KCNC2: variants seen among roughly 807,000 people sequenced by gnomAD.
The protein encoded by KCNC2 is voltage-gated potassium channel KCNC2.
A neutral mutation model predicts 44.5 loss-of-function variants in KCNC2; 21 were observed. The observed-to-expected ratio is 0.47, with a 90% CI of 0.33 to 0.68. The LOEUF is 0.68. KCNC2 is among the 30% of genes least tolerant of loss of function. The probability of loss-of-function intolerance (pLI) is 0.01; values close to 1 mark genes in which losing one functional copy is unlikely to be tolerated. For missense variants in KCNC2, 589 were observed against 826.2 expected (o/e 0.71, Z 3.52); for synonymous variants, 391 against 339.1 (o/e 1.15, Z -1.68).
chr12:75,079,048 A>C (rs996901324), intron 2 of KCNC2, among the ~76,000 whole-genome samples: 1 of 152,156 alleles, frequency 6.6e-6, no homozygotes, highest in Non-Finnish European at 1.5e-5. Context: ...TATTATGAAA[A>C]GTTTAAAACA....
intron 2 of KCNC2, among the ~76,000 whole-genome samples, chr12:75,067,609 C>T (rs533546413): frequency 3.8e-4 from 58 of 152,208 alleles, no homozygotes; most frequent in Non-Finnish European, 6.2e-4. Context: ...ACATGGCTTG[C>T]TGTGTTTGAA....
chr12:75,069,764 G>A (rs7301135), intron 2 of KCNC2, among the ~76,000 whole-genome samples: 2,185 of 152,266 alleles, frequency 0.014, 24 homozygotes, highest in Middle Eastern at 0.044. Flanking sequence ...AAACTTTGGG[G>A]ATAAGTGAAG....
At chr12:75,182,975 G>A (rs1383952767) in intron 2 of KCNC2, among the ~76,000 whole-genome samples, 1 of 152,216 alleles carries the variant, frequency 6.6e-6, no homozygotes, top group Non-Finnish European at 1.5e-5. Context: ...ATGAAGCACA[G>A]TGAGCCTAAC....
chr12:75,161,638 G>C (rs1253677087), intron 2 of KCNC2, among the ~76,000 whole-genome samples: 1 of 151,742 alleles, frequency 6.6e-6, no homozygotes, highest in Non-Finnish European at 1.5e-5. Context: ...TTCTGGCCCA[G>C]TAAGTTTTAC....
intron 2 of KCNC2, among the ~76,000 whole-genome samples, chr12:75,073,268 T>G (rs957232712): frequency 4.6e-5 from 7 of 152,184 alleles, no homozygotes; most frequent in Non-Finnish European, 5.9e-5. Context: ...CTTTTTAAAA[T>G]AAACTTAATT....
At chr12:75,183,877 C>A (rs1332340542) in intron 2 of KCNC2, among the ~76,000 whole-genome samples, 1 of 152,156 alleles carries the variant, frequency 6.6e-6, no homozygotes, top group Non-Finnish European at 1.5e-5. Context: ...TCTGCCTTTG[C>A]CAACTTGCCA....
chr12:75,155,375 A>T (rs567875572), intron 2 of KCNC2, among the ~76,000 whole-genome samples: 92 of 151,900 alleles, frequency 6.1e-4, no homozygotes, highest in African/African-American at 2.1e-3. Context: ...AAGAATAGGA[A>T]TTTTTTCCCC....
intron 2 of KCNC2, among the ~76,000 whole-genome samples, chr12:75,195,768 G>C (rs2030708290): frequency 1.3e-5 from 2 of 152,026 alleles, no homozygotes; most frequent in South Asian, 4.1e-4. Context: ...GAATGATATT[G>C]CCGATTACAA....
chr12:75,186,852 A>G (rs190470811), intron 2 of KCNC2, among the ~76,000 whole-genome samples: 38 of 152,338 alleles, frequency 2.5e-4, no homozygotes, highest in African/African-American at 8.7e-4. Flanking sequence ...TCAAAAACAT[A>G]CAATGTTGAG....
At chr12:75,125,329 A>G (rs947181557) in intron 2 of KCNC2, among the ~76,000 whole-genome samples, 7 of 152,218 alleles carry the variant, frequency 4.6e-5, no homozygotes, top group Admixed American at 6.5e-5. Flanking sequence ...TTTGAAAATA[A>G]TCTCTAGGTC....
intron 2 of KCNC2, among the ~76,000 whole-genome samples, chr12:75,125,922 A>G (rs1468643273): frequency 6.6e-6 from 1 of 152,192 alleles, no homozygotes; most frequent in African/African-American, 2.4e-5. Context: ...CAAATATAAA[A>G]TTCTGTTTGA....
At chr12:75,126,825 C>T (rs970746474) in intron 2 of KCNC2, among the ~76,000 whole-genome samples, 7 of 152,048 alleles carry the variant, frequency 4.6e-5, no homozygotes, top group South Asian at 2.1e-4. Context: ...ATTAGAAACA[C>T]GCCTTTAGAA....
At chr12:75,057,368 C>T (rs1488472593) in intron 2 of KCNC2, among the ~76,000 whole-genome samples, 5 of 151,944 alleles carry the variant, frequency 3.3e-5, no homozygotes, top group Non-Finnish European at 5.9e-5. Flanking sequence ...TCCTTAAAGG[C>T]CAATCAAGTA....
chr12:75,144,844 A>G (rs900705230), intron 2 of KCNC2, among the ~76,000 whole-genome samples: 3 of 152,130 alleles, frequency 2.0e-5, no homozygotes, highest in Non-Finnish European at 4.4e-5. Flanking sequence ...CATGGACATT[A>G]TATCACCAAG....
At chr12:75,202,284 C>A (rs1010442771) in intron 2 of KCNC2, among the ~76,000 whole-genome samples, 1 of 151,888 alleles carries the variant, frequency 6.6e-6, no homozygotes, top group African/African-American at 2.4e-5. Flanking sequence ...CAGGCCACCT[C>A]ATATGTATAT....
At chr12:75,168,515 T>C (rs1891604404) in intron 2 of KCNC2, among the ~76,000 whole-genome samples, 1 of 151,488 alleles carries the variant, frequency 6.6e-6, no homozygotes, top group Non-Finnish European at 1.5e-5. Flanking sequence ...ATAGTTTCTA[T>C]ATGCCAATAA....
chr12:75,111,532 G>A (rs11180367), intron 2 of KCNC2, among the ~76,000 whole-genome samples: 93,730 of 151,586 alleles, frequency 0.62, 31,138 homozygotes, highest in African/African-American at 0.87. Context: ...ATATCAATAA[G>A]TATCCTTTTT....
At chr12:75,202,266 C>A (rs1182381255) in intron 2 of KCNC2, among the ~76,000 whole-genome samples, 1 of 151,846 alleles carries the variant, frequency 6.6e-6, no homozygotes, top group Non-Finnish European at 1.5e-5. Flanking sequence ...TAATGTCCAA[C>A]CATAAATCAG....
At chr12:75,154,985 C>CT (rs1305342374) in intron 2 of KCNC2, among the ~76,000 whole-genome samples, 1 of 151,812 alleles carries the variant, frequency 6.6e-6, no homozygotes, top group Non-Finnish European at 1.5e-5. Flanking sequence ...TTTCAACACA[C>CT]TTTTTTACTG....
Sources: allele counts gnomAD v4.1 joint callset (sites outside exome capture counted in the v4.1 genomes callset), GRCh38; gene constraint gnomAD v4.1.1; transcripts MANE v1.5; gene names NCBI Gene and HGNC (gene_info 2026-07-23, HGNC 2026-07-21).